Variants in TERF2 observed in about 807,000 individuals in gnomAD.
TERF2 encodes telomeric repeat binding factor 2, also known as telomeric repeat-binding factor 2.
A neutral mutation model predicts 56.1 loss-of-function variants in TERF2; 16 were observed. The observed-to-expected ratio is 0.29, with a 90% CI of 0.19 to 0.43. The LOEUF (loss-of-function observed/expected upper bound fraction) is 0.43. Ranked by LOEUF, TERF2 falls within the 20% of genes least tolerant of loss-of-function variation. The pLI is 1.00. For synonymous variants in TERF2, 296 were observed against 282.1 expected (o/e 1.05, Z -0.50); for missense variants, 547 against 712.9 (o/e 0.77, Z 2.65).
In TERF2 at chr16:69,356,864, G is replaced by A. The variant is rs754547331; in HGVS notation, c.*34C>T. 5.1e-6 allele frequency: 8 copies of A among 1,581,724 alleles called. No individual in the cohort carries two copies. Among genetic ancestry groups the A allele is most frequent in the Admixed American group, 1.9e-5 (1 of 53,932 alleles). ...ATCAGGGGCTATTATTAGGAACCAT[G>A]CTCCTGTGAATTCTGTGGAAATGAA... is the stretch of plus-strand genomic sequence containing the variant. On this transcript the variant is annotated 3_prime_UTR_variant, in exon 10 of 10. Transcript: ENST00000254942.
intron 3 of TERF2, among the ~76,000 whole-genome samples, chr16:69,375,536 A>T (rs1325880526): frequency 2.0e-5 from 3 of 152,234 alleles, no homozygotes; most frequent in African/African-American, 4.8e-5. Context: ...ATCTCTATTT[A>T]AAAAACAGAT....
chr16:69,368,328 C>T (rs375138104), intron 6 of TERF2, 48 bp downstream of exon 6: 187 of 1,578,166 alleles, frequency 1.2e-4, no homozygotes, highest in Middle Eastern at 1.1e-3. Flanking sequence ...CTGCTTCCAG[C>T]GACCACCCTA....
chr16:69,364,293 T>C (rs1440841717), intron 7 of TERF2, among the ~76,000 whole-genome samples: 2 of 152,104 alleles, frequency 1.3e-5, no homozygotes, highest in African/African-American at 4.8e-5. Flanking sequence ...GTCTCCAGTC[T>C]CCAGCCTCCC....
chr16:69,360,446 A>C (rs1050174200), intron 8 of TERF2, among the ~76,000 whole-genome samples: 1 of 151,796 alleles, frequency 6.6e-6, no homozygotes, highest in Non-Finnish European at 1.5e-5. Context: ...GCTCACAAGT[A>C]TAGTCCCAGC....
At position 69,385,491 on chromosome 16, in the gene TERF2, G is replaced by T. The variant is rs34415214; in HGVS notation, c.380-5C>A. On this transcript the variant is annotated splice_region_variant and splice_polypyrimidine_tract_variant and intron_variant, in intron 1 of 9. Coordinates refer to ENST00000254942, the MANE Select transcript of TERF2 (RefSeq NM_005652.5). ...CCAAGGGCCTGACAAGCAAAGCTGG[G>T]AGAGAAGACATCGTTGGCTGGGCGA... 1.2e-6 allele frequency: 2 copies of T among 1,613,936 alleles called. No individual in the cohort carries two copies. Among genetic ancestry groups the T allele is most frequent in the East Asian group, 4.5e-5 (2 of 44,862 alleles).
chr16:69,363,783 A>T (rs2013235680), intron 7 of TERF2, among the ~76,000 whole-genome samples: 1 of 152,166 alleles, frequency 6.6e-6, no homozygotes, highest in Non-Finnish European at 1.5e-5. Context: ...ACCAGCCTAC[A>T]TGGTCAAACC....
chr16:69,359,937 AT>A (rs891993412), intron 8 of TERF2, among the ~76,000 whole-genome samples: 34 of 149,878 alleles, frequency 2.3e-4, no homozygotes, highest in African/African-American at 7.8e-4. Context: ...TTTTGTTTGT[AT>A]TTTTTGTAGA....
chr16:69,368,289 G>C, intron 6 of TERF2, 87 bp downstream of exon 6: 1 of 1,264,902 alleles, frequency 7.9e-7, no homozygotes, highest in South Asian at 1.2e-5. Flanking sequence ...GGAGTGCTGA[G>C]AGGAACTGAT....
Position 69,385,381 on chromosome 16 carries a change from A to G in TERF2, c.475+10T>C. On this transcript the variant is annotated intron_variant, in intron 2 of 9. Coordinates refer to ENST00000254942, the MANE Select transcript of TERF2 (RefSeq NM_005652.5). Reference sequence around the variant, plus strand: ...AGTAAGCCCAGAGAAGAACACAAAAATAGCCATACCTAAATTTTCCCCTTC... The same window carrying G: ...AGTAAGCCCAGAGAAGAACACAAAAGTAGCCATACCTAAATTTTCCCCTTC... 6.2e-7 allele frequency: 1 copy of G among 1,612,462 alleles called. No individual in the cohort carries two copies. Among genetic ancestry groups the G allele is most frequent in the Non-Finnish European group, 8.5e-7 (1 of 1,178,574 alleles).
chr16:69,370,195 TA>T (rs2013512699), intron 5 of TERF2: 1 of 397,960 alleles, frequency 2.5e-6, no homozygotes, highest in South Asian at 6.4e-5. Flanking sequence ...CACGCCCAGC[TA>T]ATTTTTATAT....
chr16:69,361,880 T>G (rs755160594), intron 7 of TERF2, among the ~76,000 whole-genome samples: 4 of 128,340 alleles, frequency 3.1e-5, no homozygotes, highest in Non-Finnish European at 5.2e-5. Context: ...CTGGACTGAT[T>G]TTTCCGTTTC....
intron 3 of TERF2, among the ~76,000 whole-genome samples, chr16:69,377,457 A>T (rs983820908): frequency 5.9e-5 from 9 of 151,992 alleles, no homozygotes; most frequent in African/African-American, 1.9e-4. Context: ...CCTCCCAAGT[A>T]GCTGGGACTA....
At chr16:69,359,809 C>T (rs995786584) in intron 8 of TERF2, among the ~76,000 whole-genome samples, 20 of 151,476 alleles carry the variant, frequency 1.3e-4, no homozygotes, top group African/African-American at 4.8e-4. Flanking sequence ...TTAGTAGAGA[C>T]AGGGTTTCAC....
At chr16:69,376,098 GGAT>G (rs1383890720) in intron 3 of TERF2, among the ~76,000 whole-genome samples, 1 of 152,036 alleles carries the variant, frequency 6.6e-6, no homozygotes, top group Non-Finnish European at 1.5e-5. Context: ...TTCTTCTTAT[GGAT>G]GTTTTTAAAT....
intron 5 of TERF2, 60 bp downstream of exon 5, chr16:69,370,421 TTC>T (rs751100625): frequency 2.5e-6 from 4 of 1,576,550 alleles, no homozygotes; most frequent in African/African-American, 1.4e-5. Context: ...ACTTCAGATA[TTC>T]TGATTCCCCG....
chr16:69,358,086 C>G (rs1022725160), intron 8 of TERF2, among the ~76,000 whole-genome samples: 2 of 151,892 alleles, frequency 1.3e-5, no homozygotes, highest in Non-Finnish European at 2.9e-5. Context: ...GATCTCGGCT[C>G]ACTGCAAGCT....
intron 3 of TERF2, among the ~76,000 whole-genome samples, chr16:69,381,209 G>A (rs963614008): frequency 6.6e-6 from 1 of 152,160 alleles, no homozygotes; most frequent in African/African-American, 2.4e-5. Flanking sequence ...CCAAAATTCT[G>A]TTTTTCACTA....
intron 7 of TERF2, among the ~76,000 whole-genome samples, chr16:69,364,747 C>G (rs79709575): frequency 0.024 from 3,589 of 152,270 alleles, 78 homozygotes; most frequent in Admixed American, 0.035. Flanking sequence ...TCTATAAAAT[C>G]TGAGCCACCT....
rs985199356 is a variant in TERF2, at chr16:69,356,098, A to G, written c.*800T>C. The G allele has an allele frequency of 9.9e-6, 4 of 405,578 alleles. No individual in the cohort carries two copies. Among genetic ancestry groups the G allele is most frequent in the Non-Finnish European group, 2.0e-5 (4 of 205,028 alleles). 25.1% of individuals were successfully genotyped at this position (405,578 alleles called of 1,614,324 possible). A position where few individuals can be genotyped will look rare whatever the true frequency, so the allele number is the denominator to read the frequency against. On this transcript the variant is annotated 3_prime_UTR_variant, in exon 10 of 10. Transcript: ENST00000254942. The stretch of plus-strand genomic sequence containing the variant: ...GAGTTTTTAAAGGGAATCTTATTCC[A>G]CAAGGACTGGTCTGTCATCAACCTG...
Sources: gnomAD v4.1 joint callset for allele counts (sites outside exome capture counted in the v4.1 genomes callset) on GRCh38, gnomAD v4.1.1 for gene constraint, MANE v1.5 for transcripts, NCBI Gene and HGNC (gene_info 2026-07-23, HGNC 2026-07-21) for gene names.